Variants in BNC2 observed in about 807,000 individuals in gnomAD.
BNC2 encodes the protein zinc finger protein basonuclin-2.
Under a neutral mutation model 76.3 loss-of-function variants are expected in BNC2, and 20 were observed. The ratio of observed to expected loss-of-function variants is 0.26; its 90% confidence interval spans 0.18 to 0.38. The LOEUF is 0.38. Among genes scored for constraint, BNC2 ranks in the 10% least tolerant of loss-of-function variants. The pLI is 1.00. For missense variants in BNC2, 1,382 were observed against 1,399.8 expected, an observed-to-expected ratio of 0.99 and a Z score of 0.20; for synonymous variants, 582 against 514.8, an observed-to-expected ratio of 1.13 and a Z score of -1.77.
chr9:16,699,993 T>C (rs896347634), intron 3 of BNC2, among the ~76,000 whole-genome samples: 2 of 152,248 alleles, frequency 1.3e-5, no homozygotes, highest in African/African-American at 4.8e-5. Context: ...ATTTTGACAT[T>C]ATTTTCCCAG....
intron 1 of BNC2, among the ~76,000 whole-genome samples, chr9:16,752,571 T>G (rs191788335): frequency 1.3e-5 from 2 of 152,326 alleles, no homozygotes; most frequent in African/African-American, 4.8e-5. Context: ...TCTTACAAAT[T>G]ACTTGGCAAT....
At chr9:16,720,561 A>C (rs993688312) in intron 3 of BNC2, among the ~76,000 whole-genome samples, 1 of 152,210 alleles carries the variant, frequency 6.6e-6, no homozygotes, top group Non-Finnish European at 1.5e-5. Context: ...GCTCAAGAGA[A>C]TCAGTTGTTT....
intron 5 of BNC2, among the ~76,000 whole-genome samples, chr9:16,530,140 CA>C (rs1817931427): frequency 6.6e-6 from 1 of 150,704 alleles, no homozygotes; most frequent in African/African-American, 2.4e-5. Context: ...CGCACCTGGC[CA>C]AAAAAGTGAA....
chr9:16,665,664 A>G (rs1822270150), intron 3 of BNC2, among the ~76,000 whole-genome samples: 1 of 152,216 alleles, frequency 6.6e-6, no homozygotes, highest in Non-Finnish European at 1.5e-5. Flanking sequence ...ATTCAGAGAT[A>G]TGAAAATGCA....
At chr9:16,458,210 A>C (rs1821497433) in intron 5 of BNC2, among the ~76,000 whole-genome samples, 1 of 148,436 alleles carries the variant, frequency 6.7e-6, no homozygotes. Context: ...CATGGAAGCC[A>C]AGGGACCATG....
intron 5 of BNC2, among the ~76,000 whole-genome samples, chr9:16,450,697 G>C (rs1821322613): frequency 1.3e-5 from 2 of 152,190 alleles, no homozygotes; most frequent in African/African-American, 4.8e-5. Context: ...AGTAACTCTT[G>C]GTGCACTTGC....
At chr9:16,482,106 G>A (rs80093082) in intron 5 of BNC2, among the ~76,000 whole-genome samples, 11,501 of 152,148 alleles carry the variant, frequency 0.076, 571 homozygotes, top group African/African-American at 0.14. Flanking sequence ...AAAAATATTA[G>A]TAATAATAGA....
intron 5 of BNC2, among the ~76,000 whole-genome samples, chr9:16,536,037 C>T (rs955699109): frequency 1.3e-5 from 2 of 152,096 alleles, no homozygotes; most frequent in African/African-American, 4.8e-5. Flanking sequence ...AACCCCAGGT[C>T]AACATGCCAG....
intron 1 of BNC2, among the ~76,000 whole-genome samples, chr9:16,809,854 T>C (rs1240841606): frequency 2.0e-5 from 3 of 152,184 alleles, no homozygotes; most frequent in Admixed American, 6.5e-5. Context: ...GTTCTTTCTA[T>C]ATGATAAAGG....
chr9:16,665,474 GAAAGAAAGAAAGAA>G (rs1563888030), intron 3 of BNC2, among the ~76,000 whole-genome samples: 50 of 140,944 alleles, frequency 3.5e-4, no homozygotes, highest in African/African-American at 1.4e-3. Context: ...AAGAAAGAAA[GAAAGAAAGAAAGAA>G]AGAGAGAGAG....
Position 16,643,435 on chromosome 9 carries a change from G to C in BNC2, c.331-60350C>G, listed in dbSNP as rs541145819. Among the ~76,000 whole-genome samples, 6 of 152,080 alleles carry C rather than the reference G, an allele frequency of 3.9e-5. No homozygotes were observed. In the East Asian group the frequency reaches 1.2e-3, roughly 29 times the overall value. On this transcript the variant is annotated intron_variant, in intron 3 of 6. Coordinates refer to ENST00000380672, the MANE Select transcript of BNC2 (RefSeq NM_017637.6). ...AGCAACCCCAAACATAAGTAAGAAAGGCTGGTCTGGAATCCACATTCCTGG... is the reference window on the plus strand; with the variant it reads ...AGCAACCCCAAACATAAGTAAGAAACGCTGGTCTGGAATCCACATTCCTGG...
intron 3 of BNC2, among the ~76,000 whole-genome samples, chr9:16,632,089 TAA>T (rs1821177933): frequency 6.6e-6 from 1 of 152,204 alleles, no homozygotes; most frequent in African/African-American, 2.4e-5. Context: ...AAGGAGATTC[TAA>T]GTTTCCCTTC....
intron 3 of BNC2, among the ~76,000 whole-genome samples, chr9:16,602,118 T>C (rs1820259624): frequency 6.6e-6 from 1 of 152,210 alleles, no homozygotes; most frequent in Non-Finnish European, 1.5e-5. Flanking sequence ...CTGACCCTTA[T>C]GAATACAAAG....
chr9:16,509,553 C>T (rs1367595548), intron 5 of BNC2, among the ~76,000 whole-genome samples: 1 of 152,166 alleles, frequency 6.6e-6, no homozygotes, highest in Non-Finnish European at 1.5e-5. Flanking sequence ...GCATATCCAT[C>T]CCAGTTACAG....
At position 16,421,233 on chromosome 9, in the gene BNC2, C is replaced by T. The variant is rs528371526; in HGVS notation, c.2640-1584G>A. Reference sequence around the variant, plus strand: ...AAGGGGCAGAGGGCAGCAGCCCTCTCCAACTGCACTTAGGAAGGCTGAGCT... The same window carrying T: ...AAGGGGCAGAGGGCAGCAGCCCTCTTCAACTGCACTTAGGAAGGCTGAGCT... On this transcript the variant is annotated intron_variant, in intron 6 of 6. Coordinates refer to ENST00000380672, the MANE Select transcript of BNC2 (RefSeq NM_017637.6). The T allele has an allele frequency of 1.1e-4, 142 of 1,285,758 alleles. 1 individual carries two copies. Among genetic ancestry groups the T allele is most frequent in the Non-Finnish European group, 1.4e-4 (137 of 975,452 alleles). The allele number at this position is 1,285,758 out of a possible 1,614,324, so 79.6% of individuals were successfully genotyped here. A position where few individuals can be genotyped will look rare whatever the true frequency, so the allele number is the denominator to read the frequency against.
chr9:16,820,338 A>C (rs949563957), intron 1 of BNC2, among the ~76,000 whole-genome samples: 14 of 151,980 alleles, frequency 9.2e-5, no homozygotes, highest in African/African-American at 3.4e-4. Context: ...AGGCAGAAGA[A>C]TCTCTTGAAC....
chr9:16,411,928 C>A lies in BNC2; in HGVS notation c.*7061G>T, dbSNP rs922092717. The A allele has an allele frequency of 2.0e-5, 3 of 152,186 alleles. No individual in the cohort carries two copies. Among genetic ancestry groups the A allele is most frequent in the African/African-American group, 7.2e-5 (3 of 41,442 alleles). 9.4% of individuals were successfully genotyped at this position (152,186 alleles called of 1,614,324 possible). A position where few individuals can be genotyped will look rare whatever the true frequency, so the allele number is the denominator to read the frequency against. ...GCATCCCCTAGTCCCAGAAAGAAGA[C>A]GCTTGATAGATCTTGCACTTCATTT... On this transcript the variant is annotated 3_prime_UTR_variant, in exon 7 of 7. Coordinates refer to ENST00000380672, the MANE Select transcript of BNC2 (RefSeq NM_017637.6).
intron 6 of BNC2, among the ~76,000 whole-genome samples, chr9:16,430,674 G>T (rs1411879955): frequency 2.0e-5 from 3 of 152,182 alleles, no homozygotes; most frequent in African/African-American, 7.2e-5. Flanking sequence ...AGGGCTGGAA[G>T]TCAGGTAATC....
intron 3 of BNC2, among the ~76,000 whole-genome samples, chr9:16,613,604 G>T (rs1453721422): frequency 6.6e-6 from 1 of 152,102 alleles, no homozygotes; most frequent in Non-Finnish European, 1.5e-5. Flanking sequence ...GAGATTGTGC[G>T]CAAGAAGATC....
Sources: gnomAD v4.1 joint callset for allele counts (sites outside exome capture counted in the v4.1 genomes callset) on GRCh38, gnomAD v4.1.1 for gene constraint, MANE v1.5 for transcripts, NCBI Gene and HGNC (gene_info 2026-07-23, HGNC 2026-07-21) for gene names.